FARP2: variants seen among roughly 807,000 people sequenced by gnomAD.
The protein encoded by FARP2 is FERM, ARHGEF and pleckstrin domain-containing protein 2.
Under a neutral mutation model 130.5 loss-of-function variants are expected in FARP2, and 111 were observed. The ratio of observed to expected loss-of-function variants is 0.85; its 90% CI spans 0.73 to 1.00. FARP2 has a LOEUF of 1.00. Among genes scored for constraint, FARP2 ranks in the 50% least tolerant of loss-of-function variants. FARP2 has a pLI of 0.00. For missense variants in FARP2, 1,385 were observed against 1,346.3 expected (o/e 1.03, Z -0.45); for synonymous variants, 504 against 516.9 (o/e 0.98, Z 0.34).
Position 241,490,021 on chromosome 2 carries a change from GAAAAC to G in FARP2, c.2484_2488del (p.Lys828AsnfsTer30), listed in dbSNP as rs779816874. 5 of 1,613,908 alleles carry G rather than the reference GAAAAC, an allele frequency of 3.1e-6. No individual in the cohort carries two copies. The highest frequency in any genetic ancestry group is 3.4e-6 in the Non-Finnish European group (4 of 1,179,790). Reference sequence around the variant, plus strand: ...ACTGTTTCACCATCTACGCGGCTCAGAAAACAATCGTGGTGGCAGCCAGGTAAGGG... The same window carrying G: ...ACTGTTTCACCATCTACGCGGCTCAGAATCGTGGTGGCAGCCAGGTAAGGG... On this transcript the variant is annotated frameshift_variant, in exon 22 of 27. Coordinates refer to ENST00000264042, the MANE Select transcript of FARP2 (RefSeq NM_014808.4). LOFTEE classifies it high-confidence loss of function.
intron 17 of FARP2, among the ~76,000 whole-genome samples, chr2:241,464,604 G>A (rs935230099): frequency 1.4e-5 from 2 of 143,018 alleles, no homozygotes; most frequent in Non-Finnish European, 3.0e-5. Flanking sequence ...TCAGAACAGG[G>A]TCTTCTCAGA....
intron 2 of FARP2, among the ~76,000 whole-genome samples, chr2:241,403,424 G>A (rs1218285344): frequency 6.6e-6 from 1 of 152,028 alleles, no homozygotes; most frequent in East Asian, 1.9e-4. Context: ...GTATTGCCTA[G>A]GTTGGTCTCA....
rs1178898578 is a variant in FARP2 at position 241,434,999 on chromosome 2, G to C, written c.1069G>C (p.Asp357His). ...TQKQLVDYFK[D>H]SGMKRIPYER... ...GAAACAACTAGTAGATTATTTCAAA[G>C]ACAGTGGAATGAAGAGAATTCCATA... Residue 357 changes from aspartate (D) to histidine (H), a missense_variant, in exon 11 of 27, where the codon GAC (aspartate) becomes CAC (histidine). Transcript: ENST00000264042. 6.3e-7 allele frequency: 1 copy of C among 1,597,982 alleles called. No individual in the cohort carries two copies. Among genetic ancestry groups the C allele is most frequent in the Non-Finnish European group, 8.6e-7 (1 of 1,168,402 alleles).
At chr2:241,383,782 C>G (rs1009139099) in intron 2 of FARP2, among the ~76,000 whole-genome samples, 2 of 152,198 alleles carry the variant, frequency 1.3e-5, no homozygotes, top group African/African-American at 4.8e-5. Flanking sequence ...GGTGCAAGGA[C>G]TGGGCCTGAG....
chr2:241,411,860 A>G lies in FARP2; in HGVS notation c.508+730A>G, dbSNP rs56122476. On this transcript the variant is annotated intron_variant, in intron 6 of 26. Coordinates refer to ENST00000264042, the MANE Select transcript of FARP2 (RefSeq NM_014808.4). Reference sequence around the variant, plus strand: ...GTCCTTCCCCAGACATACCTTCTTCAAATAATAAATTTTATTATGGGTTTG... The same window carrying G: ...GTCCTTCCCCAGACATACCTTCTTCGAATAATAAATTTTATTATGGGTTTG... Among the ~76,000 whole-genome samples, 774 of 152,340 alleles carry G rather than the reference A, an allele frequency of 5.1e-3. 3 individuals are homozygous for G. The highest frequency in any genetic ancestry group is 8.6e-3 in the Non-Finnish European group (586 of 68,030).
Position 241,459,442 on chromosome 2 carries a change from G to A in FARP2, c.1587+2520G>A, listed in dbSNP as rs1394317407. ...TGGGCTGTGCGGGGAGGGGCAAAGA[G>A]CTGCCCACCCTCCAGCCCACCCTCG... On this transcript the variant is annotated intron_variant, in intron 14 of 26. Coordinates refer to ENST00000264042, the MANE Select transcript of FARP2 (RefSeq NM_014808.4). The surrounding 1 kb of genome is among the most constrained non-coding windows in gnomAD (Gnocchi z 5.3). Among the ~76,000 whole-genome samples the A allele has an allele frequency of 6.6e-6, 1 of 152,186 alleles. No homozygotes were observed. The highest frequency in any genetic ancestry group is 1.5e-5 in the Non-Finnish European group (1 of 68,022).
chr2:241,393,416 A>T (rs1434295512), intron 2 of FARP2, among the ~76,000 whole-genome samples: 1 of 152,172 alleles, frequency 6.6e-6, no homozygotes, highest in Non-Finnish European at 1.5e-5. Flanking sequence ...CCAAAATGAG[A>T]GTGAAATGCC....
intron 5 of FARP2, among the ~76,000 whole-genome samples, chr2:241,408,065 C>A (rs921812454): frequency 6.6e-6 from 1 of 152,110 alleles, no homozygotes; most frequent in African/African-American, 2.4e-5. Context: ...AAGATCAATT[C>A]TTTATAGGAA....
intron 2 of FARP2, among the ~76,000 whole-genome samples, chr2:241,390,523 C>T (rs2061881597): frequency 6.6e-6 from 1 of 152,140 alleles, no homozygotes; most frequent in African/African-American, 2.4e-5. Context: ...TCTTGTCCAT[C>T]TGTTGTTTGG....
At chr2:241,411,681 A>G (rs1663372683) in intron 6 of FARP2, among the ~76,000 whole-genome samples, 1 of 152,256 alleles carries the variant, frequency 6.6e-6, no homozygotes, top group Non-Finnish European at 1.5e-5. Context: ...ATGGGAATAG[A>G]AAAACAGAAA....
chr2:241,466,719 C>A (rs2064183843), intron 17 of FARP2: 1 of 526,332 alleles, frequency 1.9e-6, no homozygotes, highest in Non-Finnish European at 2.4e-6. Flanking sequence ...CACCCGTACC[C>A]TCCTAGGGGC....
intron 18 of FARP2, among the ~76,000 whole-genome samples, chr2:241,469,585 GAGA>G (rs1574887518): frequency 1.3e-5 from 2 of 152,282 alleles, no homozygotes; most frequent in African/African-American, 2.4e-5. Flanking sequence ...TGTTAAAAAG[GAGA>G]AGGACAAAAT....
chr2:241,437,453 A>G (rs961559442), intron 12 of FARP2, among the ~76,000 whole-genome samples: 2 of 151,934 alleles, frequency 1.3e-5, no homozygotes, highest in Non-Finnish European at 2.9e-5. Context: ...ATATTTTTAC[A>G]TTGAATCTTG....
At chr2:241,397,767 G>A (rs1303595464) in intron 2 of FARP2, among the ~76,000 whole-genome samples, 1 of 151,724 alleles carries the variant, frequency 6.6e-6, no homozygotes, top group African/African-American at 2.4e-5. Context: ...TTTGTAGAGA[G>A]GATTATTATA....
At chr2:241,490,075 A>T in intron 22 of FARP2, 31 bp downstream of exon 22, 6 of 1,501,254 alleles carry the variant, frequency 4.0e-6, no homozygotes, top group Non-Finnish European at 5.6e-6. Flanking sequence ...CATCCTGAGC[A>T]GCCCTGGATG....
chr2:241,369,900 T>C (rs934739997), intron 1 of FARP2, among the ~76,000 whole-genome samples: 4 of 152,218 alleles, frequency 2.6e-5, no homozygotes, highest in African/African-American at 9.6e-5. Flanking sequence ...AAAGTGGAAG[T>C]CTTCTTCATT....
chr2:241,374,231 C>CA (rs1428471840), intron 2 of FARP2, among the ~76,000 whole-genome samples: 1 of 152,108 alleles, frequency 6.6e-6, no homozygotes, highest in African/African-American at 2.4e-5. Context: ...AGGCTGGCCT[C>CA]AAACTCCTGG....
Position 241,489,975 on chromosome 2 carries a change from A to C in FARP2, c.2435A>C (p.Asp812Ala), listed in dbSNP as rs376615706. ...TCCCACCCACAGGTGGAAGAAAGTG[A>C]TAACGAGTGGTCTGTTCCACACTGT... is the stretch of plus-strand genomic sequence containing the variant. ...PLQGMLVEES[D>A]NEWSVPHCFT... Residue 812 changes from aspartate (D) to alanine (A), a missense_variant, in exon 22 of 27, where the codon GAT becomes GCT. Transcript: ENST00000264042. 1 of 1,613,286 alleles carries C rather than the reference A, an allele frequency of 6.2e-7. No homozygotes were observed. Among genetic ancestry groups the C allele is most frequent in the Non-Finnish European group, 8.5e-7 (1 of 1,179,210 alleles).
intron 1 of FARP2, among the ~76,000 whole-genome samples, chr2:241,360,562 T>G (rs2061163906): frequency 6.6e-6 from 1 of 151,944 alleles, no homozygotes; most frequent in African/African-American, 2.4e-5. Context: ...TATTCCCAGC[T>G]TCTCAGGAGG....
Sources: allele counts gnomAD v4.1 joint callset (sites outside exome capture counted in the v4.1 genomes callset), GRCh38; gene constraint gnomAD v4.1.1; non-coding constraint Gnocchi (gnomAD v3.1); transcripts MANE v1.5; gene names NCBI Gene and HGNC (gene_info 2026-07-23, HGNC 2026-07-21).